The following TENM4 variants were observed in gnomAD, a reference collection of about 807,000 sequenced individuals.
TENM4 encodes the protein teneurin-4.
In TENM4, 82 loss-of-function variants were observed where a neutral mutation model predicts 243.3. The ratio of observed to expected loss-of-function variants is 0.34; its 90% CI spans 0.28 to 0.40. The LOEUF (loss-of-function observed/expected upper bound fraction) is 0.40, where lower values mean the gene tolerates loss of function less well. TENM4 is among the 10% of genes least tolerant of loss of function. The pLI is 1.00. For synonymous variants in TENM4, 1,412 were observed against 1,456.3 expected (o/e 0.97, Z 0.69); for missense variants, 3,138 against 3,673.3 (o/e 0.85, Z 3.77).
At chr11:78,903,551 CGG>C (rs1228561799) in intron 6 of TENM4, 28 bp from the exon 7 acceptor site, 3 of 1,542,302 alleles carry the variant, frequency 1.9e-6, no homozygotes, top group Non-Finnish European at 2.6e-6. Context: ...CGGTCAGCGG[CGG>C]TGAGCTTGGT....
chr11:78,975,274 G>A (rs973248914), intron 6 of TENM4, among the ~76,000 whole-genome samples: 4 of 151,934 alleles, frequency 2.6e-5, no homozygotes, highest in African/African-American at 4.8e-5. Context: ...CCTTGCCCAC[G>A]CGCTGCCTCC....
At chr11:79,076,261 C>T (rs899812372) in intron 4 of TENM4, 1 of 152,238 alleles carries the variant, frequency 6.6e-6, no homozygotes, top group African/African-American at 2.4e-5. Flanking sequence ...CCCAGACCTT[C>T]TGAATTTAAA....
At chr11:79,069,340 G>T (rs1011666106) in intron 5 of TENM4, among the ~76,000 whole-genome samples, 1 of 152,102 alleles carries the variant, frequency 6.6e-6, no homozygotes, top group African/African-American at 2.4e-5. Context: ...CCACTTAAAG[G>T]CCATCTCATT....
At chr11:78,785,712 CA>C (rs1856921653) in intron 16 of TENM4, among the ~76,000 whole-genome samples, 1 of 152,072 alleles carries the variant, frequency 6.6e-6, no homozygotes, top group Non-Finnish European at 1.5e-5. Context: ...ATTCCATGGC[CA>C]AAACCCAGGG....
At chr11:79,304,152 TG>T (rs1380635004) in intron 1 of TENM4, among the ~76,000 whole-genome samples, 1 of 152,148 alleles carries the variant, frequency 6.6e-6, no homozygotes, top group Non-Finnish European at 1.5e-5. Context: ...TAGGGCTAAG[TG>T]GGTCACAACC....
chr11:78,780,089 G>A (rs1410568068), intron 16 of TENM4, among the ~76,000 whole-genome samples: 1 of 152,142 alleles, frequency 6.6e-6, no homozygotes, highest in Non-Finnish European at 1.5e-5. Flanking sequence ...AGATGTCGTG[G>A]AGTCCATGAG....
At chr11:79,090,429 G>A (rs1210497751) in intron 4 of TENM4, among the ~76,000 whole-genome samples, 1 of 152,262 alleles carries the variant, frequency 6.6e-6, no homozygotes, top group Non-Finnish European at 1.5e-5. Context: ...GCAGAAGAAA[G>A]GCAGGTGGCG....
At chr11:79,192,163 C>T (rs796269961) in intron 3 of TENM4, among the ~76,000 whole-genome samples, 5 of 151,658 alleles carry the variant, frequency 3.3e-5, no homozygotes, top group African/African-American at 9.7e-5. Context: ...GCCCCCTGCC[C>T]GGCCAGCTGC....
intron 6 of TENM4, among the ~76,000 whole-genome samples, chr11:79,007,199 C>A (rs948455134): frequency 6.6e-6 from 1 of 152,118 alleles, no homozygotes; most frequent in African/African-American, 2.4e-5. Flanking sequence ...TCCGGAGAAC[C>A]CTAATACTGT....
chr11:79,239,088 AG>A (rs1348788776), intron 2 of TENM4, among the ~76,000 whole-genome samples: 8 of 152,194 alleles, frequency 5.3e-5, no homozygotes, highest in African/African-American at 9.6e-5. Flanking sequence ...CTGTCTGCAG[AG>A]ACAGCTCTGG....
At chr11:78,903,692 T>G (rs1281718246) in intron 6 of TENM4, 169 bp from the exon 7 acceptor site, 12 of 1,119,378 alleles carry the variant, frequency 1.1e-5, no homozygotes, top group Non-Finnish European at 1.6e-5. Context: ...GCACCTACCA[T>G]TCTAGGTGCT....
At position 78,713,487 on chromosome 11, in the gene TENM4, T is replaced by C. The variant is rs551153496; in HGVS notation, c.3822-773A>G. On this transcript the variant is annotated intron_variant, in intron 25 of 33. Coordinates refer to ENST00000278550, the MANE Select transcript of TENM4 (RefSeq NM_001098816.3). ...GAGATGCCTTGGGGAGACAAAGCAC[T>C]GCCTCTAGCCACAGGGTGAGGAAAC... 4.4e-4 allele frequency among the ~76,000 whole-genome samples: 67 copies of C among 152,332 alleles called. 1 individual carries two copies. Among genetic ancestry groups the C allele is most frequent in the African/African-American group, 1.4e-3 (59 of 41,570 alleles).
chr11:79,330,652 G>C (rs561297161), intron 1 of TENM4, among the ~76,000 whole-genome samples: 2 of 152,306 alleles, frequency 1.3e-5, no homozygotes, highest in African/African-American at 4.8e-5. Context: ...AGCCAGCAGA[G>C]TCGAGAGCTA....
At chr11:79,132,521 A>C (rs1005376916) in intron 4 of TENM4, among the ~76,000 whole-genome samples, 1 of 152,152 alleles carries the variant, frequency 6.6e-6, no homozygotes, top group Non-Finnish European at 1.5e-5. Context: ...AGAACATTTC[A>C]TCCAACAACC....
In TENM4 at chr11:78,721,384, G is replaced by A. The variant is rs184986635; in HGVS notation, c.3801-994C>T. 1.2e-4 allele frequency among the ~76,000 whole-genome samples: 19 copies of A among 152,326 alleles called. No individual in the cohort carries two copies. The East Asian group carries it at 3.3e-3, about 26-fold the overall frequency. Reference sequence around the variant, plus strand: ...ACTCTTCTCTTTAGGGCTTATGGCTGTTGGCCCTGCCTTCCTTTCACGCGT... The same window carrying A: ...ACTCTTCTCTTTAGGGCTTATGGCTATTGGCCCTGCCTTCCTTTCACGCGT... On this transcript the variant is annotated intron_variant, in intron 24 of 33. Coordinates refer to ENST00000278550, the MANE Select transcript of TENM4 (RefSeq NM_001098816.3).
intron 6 of TENM4, among the ~76,000 whole-genome samples, chr11:79,047,821 T>G (rs1859695960): frequency 6.6e-6 from 1 of 152,152 alleles, no homozygotes; most frequent in Non-Finnish European, 1.5e-5. Flanking sequence ...AATACCAATT[T>G]TATAGCGATT....
At chr11:78,965,056 C>T (rs376257039) in intron 6 of TENM4, among the ~76,000 whole-genome samples, 34 of 151,962 alleles carry the variant, frequency 2.2e-4, no homozygotes, top group African/African-American at 7.0e-4. Flanking sequence ...TTAGTAGAGA[C>T]GGGGTTTCAC....
At chr11:79,220,765 T>C (rs974405852) in intron 2 of TENM4, among the ~76,000 whole-genome samples, 11 of 152,338 alleles carry the variant, frequency 7.2e-5, no homozygotes, top group African/African-American at 2.6e-4. Context: ...TTGAAGACAG[T>C]GACCACTATG....
At chr11:79,337,921 C>A (rs1857174367) in intron 1 of TENM4, among the ~76,000 whole-genome samples, 1 of 152,238 alleles carries the variant, frequency 6.6e-6, no homozygotes, top group Admixed American at 6.5e-5. Context: ...TGGCATCTCA[C>A]AGCCAGATCA....
Sources: gnomAD v4.1 joint callset for allele counts (sites outside exome capture counted in the v4.1 genomes callset) on GRCh38, gnomAD v4.1.1 for gene constraint, MANE v1.5 for transcripts, NCBI Gene and HGNC (gene_info 2026-07-23, HGNC 2026-07-21) for gene names.